Variants in PTPA observed in about 807,000 individuals in gnomAD.
PTPA encodes the protein serine/threonine-protein phosphatase 2A activator.
PTPA carries 13 observed loss-of-function variants against 43.6 expected under a neutral mutation model. The observed-to-expected ratio is 0.30, with a 90% confidence interval of 0.19 to 0.47. The LOEUF is 0.47. PTPA is among the 20% of genes least tolerant of loss of function. PTPA has a pLI of 0.99. For synonymous variants in PTPA, 172 were observed against 158.2 expected, an observed-to-expected ratio of 1.09 and a Z score of -0.66; for missense variants, 329 against 411.9, an observed-to-expected ratio of 0.80 and a Z score of 1.74.
chr9:129,113,183 T>C (rs914781270), intron 1 of PTPA, among the ~76,000 whole-genome samples: 17 of 149,444 alleles, frequency 1.1e-4, no homozygotes. Context: ...ACCCTCTGCC[T>C]CCCGGGTTCA....
chr9:129,137,993 T>G (rs2131605985), intron 8 of PTPA: 1 of 398,602 alleles, frequency 2.5e-6, no homozygotes, highest in Non-Finnish European at 4.8e-6. Flanking sequence ...TCTGAAAGGG[T>G]CGGGGCGGGC....
At chr9:129,125,840 GTGT>G (rs1849540600) in intron 3 of PTPA, among the ~76,000 whole-genome samples, 2 of 152,190 alleles carry the variant, frequency 1.3e-5, no homozygotes, top group Admixed American at 6.5e-5. Flanking sequence ...ATTTTCAATA[GTGT>G]TGTTGCATAG....
intron 1 of PTPA, among the ~76,000 whole-genome samples, chr9:129,114,548 G>GGACATAGTAGGC (rs374693664): frequency 3.9e-5 from 6 of 152,146 alleles, no homozygotes; most frequent in African/African-American, 1.2e-4. Flanking sequence ...GCAAAGCATG[G>GGACATAGTAGGC]GACATAGTAG....
chr9:129,111,776 T>C, intron 1 of PTPA, 145 bp downstream of exon 1: 1 of 1,079,364 alleles, frequency 9.3e-7, no homozygotes, highest in Non-Finnish European at 1.1e-6. Flanking sequence ...CTGAGTTGAA[T>C]GGCCTTAGGG....
chr9:129,140,788 GGGTGGGGTAGGGTGGGGA>G (rs1408574860), intron 8 of PTPA, among the ~76,000 whole-genome samples: 2 of 140,896 alleles, frequency 1.4e-5, no homozygotes, highest in Non-Finnish European at 3.0e-5. Flanking sequence ...ACTGGGGAAG[GGGTGGGGTAGGGTGGGGA>G]GGTGGGGGAG....
At chr9:129,119,205 GC>G in intron 1 of PTPA, 1 of 157,596 alleles carries the variant, frequency 6.3e-6, no homozygotes. Flanking sequence ...TGCCAAGTTG[GC>G]CAGCCTGGTC....
At chr9:129,137,961 C>A (rs779540190) in intron 8 of PTPA, 1 of 464,260 alleles carries the variant, frequency 2.2e-6, no homozygotes, top group Non-Finnish European at 4.1e-6. Context: ...CACTAACTGG[C>A]CTTGGTGACT....
At chr9:129,141,409 C>T (rs1850815867) in intron 8 of PTPA, among the ~76,000 whole-genome samples, 1 of 152,184 alleles carries the variant, frequency 6.6e-6, no homozygotes, top group African/African-American at 2.4e-5. Context: ...CAGATTCAGC[C>T]TCTTTGCAGA....
chr9:129,141,053 G>C (rs1200727509), intron 8 of PTPA, among the ~76,000 whole-genome samples: 1 of 152,128 alleles, frequency 6.6e-6, no homozygotes, highest in East Asian at 1.9e-4. Context: ...AGGAGGGGAG[G>C]GAGGAGCCTG....
At position 129,145,315 on chromosome 9, in the gene PTPA, C is replaced by T. The variant is rs561561064; in HGVS notation, c.895-2072C>T. On this transcript the variant is annotated intron_variant, in intron 9 of 9. Coordinates refer to ENST00000393370, the MANE Select transcript of PTPA (RefSeq NM_178000.3). Reference sequence around the variant, plus strand: ...CACTGCACTCCAGCCTGGGCAACAGCGAGACTCCATCTCAGGAAAAAAAAA... The same window carrying T: ...CACTGCACTCCAGCCTGGGCAACAGTGAGACTCCATCTCAGGAAAAAAAAA... Among the ~76,000 whole-genome samples, 29 of 149,726 alleles carry T rather than the reference C, an allele frequency of 1.9e-4. 1 individual carries two copies. The highest frequency in any genetic ancestry group is 6.9e-3 in the Middle Eastern group (2 of 290).
At chr9:129,112,254 T>A (rs1315993350) in intron 1 of PTPA, among the ~76,000 whole-genome samples, 1 of 152,224 alleles carries the variant, frequency 6.6e-6, no homozygotes, top group Non-Finnish European at 1.5e-5. Flanking sequence ...TTATTTACCT[T>A]GTAGCCTCTT....
At chr9:129,117,586 G>A (rs1405103192) in intron 1 of PTPA, among the ~76,000 whole-genome samples, 1 of 150,878 alleles carries the variant, frequency 6.6e-6, no homozygotes, top group African/African-American at 2.4e-5. Context: ...TGTATTTTTA[G>A]TAGAGGTGGA....
chr9:129,146,670 A>G (rs1851323345), intron 9 of PTPA, among the ~76,000 whole-genome samples: 3 of 152,008 alleles, frequency 2.0e-5, no homozygotes, highest in African/African-American at 7.2e-5. Context: ...CTGTTGCGGG[A>G]GCTGCAGCTG....
At chr9:129,137,526 TGGGCCGGGTTGCCCAGGTAGTCGTG>T (rs1850451676) in intron 7 of PTPA, 41 bp from the exon 8 acceptor site, 1 of 1,347,502 alleles carries the variant, frequency 7.4e-7, no homozygotes, top group African/African-American at 1.4e-5. Flanking sequence ...GTGTGACTGC[TGGGCCGGGTTGCCCAGGTAGTCGTG>T]GGGCCTGGTT....
chr9:129,142,356 GCA>G (rs1554736822), intron 8 of PTPA, 87 bp from the exon 9 acceptor site: 23 of 1,164,460 alleles, frequency 2.0e-5, no homozygotes, highest in Non-Finnish European at 2.6e-5. Flanking sequence ...GTGTGTGTGT[GCA>G]TGCATGGGTG....
chr9:129,147,397 A>T lies in PTPA; in HGVS notation c.905A>T (p.Lys302Met). ...GCTCCTTCCTCACAGTGCCTGGAGA[A>T]GTTCCCTGTGATCCAGCACTTCAAG... Reference protein sequence around the residue: ...IRMYKAECLEKFPVIQHFKFG... With the variant: ...IRMYKAECLEMFPVIQHFKFG... The change falls in exon 10 of 10, where the codon AAG (lysine) becomes ATG (methionine). Residue 302 changes from lysine (K) to methionine (M), a missense_variant. Coordinates refer to ENST00000393370, the MANE Select transcript of PTPA (RefSeq NM_178000.3). 6.2e-7 allele frequency: 1 copy of T among 1,613,896 alleles called. No individual in the cohort carries two copies. Among genetic ancestry groups the T allele is most frequent in the Non-Finnish European group, 8.5e-7 (1 of 1,179,914 alleles).
intron 4 of PTPA, 40 bp downstream of exon 4, chr9:129,129,150 G>A (rs752826058): frequency 5.0e-6 from 8 of 1,605,934 alleles, no homozygotes; most frequent in Non-Finnish European, 6.8e-6. Flanking sequence ...TGGGCTGGCA[G>A]TGAGGGTGGT....
rs748516206 is a variant in PTPA, at chr9:129,134,828, G to C, written c.494G>C (p.Cys165Ser). ...GCAGCCTTCGCTGCTTTCCTCTGCT[G>C]TCTCTGCAAGATTGGGGTGCTCCGG... ...HEAAFAAFLC[C>S]LCKIGVLRVD... The change falls in exon 6 of 10, where the codon TGT (cysteine) becomes TCT (serine). Residue 165 changes from cysteine (C) to serine (S), a missense_variant. Physicochemically the swap from Cys to Ser is moderately radical, Grantham distance 112. Coordinates refer to ENST00000393370, the MANE Select transcript of PTPA (RefSeq NM_178000.3). The C allele has an allele frequency of 1.9e-5, 30 of 1,614,040 alleles. No homozygotes were observed. The highest frequency in any genetic ancestry group is 3.3e-5 in the Admixed American group (2 of 59,998).
chr9:129,135,044 G>A (rs766016146), intron 6 of PTPA, 150 bp downstream of exon 6: 4 of 620,124 alleles, frequency 6.5e-6, no homozygotes, highest in Non-Finnish European at 8.2e-6. Flanking sequence ...TGGATGGAGT[G>A]TCCAAGCCTT....
Sources: gnomAD v4.1 joint callset for allele counts (sites outside exome capture counted in the v4.1 genomes callset) on GRCh38, gnomAD v4.1.1 for gene constraint, MANE v1.5 for transcripts, NCBI Gene and HGNC (gene_info 2026-07-23, HGNC 2026-07-21) for gene names.